CALB2: variants seen among roughly 807,000 people sequenced by gnomAD.
The protein encoded by CALB2 is calretinin.
In CALB2, 34 loss-of-function variants were observed where a neutral mutation model predicts 45.9. That is an observed-to-expected ratio of 0.74 (90% CI 0.56 to 0.99). CALB2 has a LOEUF of 0.99. Among genes scored for constraint, CALB2 ranks in the 50% least tolerant of loss-of-function variants. The pLI, the probability that CALB2 is intolerant of heterozygous loss-of-function variation, is 0.00. For synonymous variants in CALB2, 142 were observed against 129.6 expected, an observed-to-expected ratio of 1.10 and a Z score of -0.65; for missense variants, 344 against 339.3, an observed-to-expected ratio of 1.01 and a Z score of -0.11.
chr16:71,386,071 G>T (rs2042567498), intron 10 of CALB2, among the ~76,000 whole-genome samples: 1 of 152,094 alleles, frequency 6.6e-6, no homozygotes, highest in Middle Eastern at 3.2e-3. Context: ...GACTGCTCTA[G>T]GTACCTCATG....
chr16:71,387,729 G>A (rs996544345), intron 10 of CALB2, among the ~76,000 whole-genome samples: 1 of 152,176 alleles, frequency 6.6e-6, no homozygotes, highest in Non-Finnish European at 1.5e-5. Flanking sequence ...TGCGGAAGTT[G>A]TCCCAAGCTT....
intron 1 of CALB2, among the ~76,000 whole-genome samples, chr16:71,365,531 G>C (rs975556104): frequency 5.3e-5 from 8 of 152,242 alleles, no homozygotes; most frequent in Middle Eastern, 3.4e-3. Context: ...GAGCAAATGC[G>C]TCTCAGATTT....
chr16:71,384,049 A>G, intron 7 of CALB2, 24 bp downstream of exon 7: 1 of 1,610,818 alleles, frequency 6.2e-7, no homozygotes, highest in Non-Finnish European at 8.5e-7. Context: ...CCCCGGGGTC[A>G]CTGATACTGG....
chr16:71,376,860 C>G (rs999507675), intron 3 of CALB2, among the ~76,000 whole-genome samples: 4 of 152,196 alleles, frequency 2.6e-5, no homozygotes, highest in Admixed American at 2.0e-4. Flanking sequence ...TACATACATC[C>G]ATATACAACC....
chr16:71,359,026 G>A, intron 1 of CALB2, 140 bp downstream of exon 1: 3 of 706,892 alleles, frequency 4.2e-6, no homozygotes, highest in Non-Finnish European at 7.3e-6. Flanking sequence ...TGGGGTAGTG[G>A]TCCCGGGTTT....
At chr16:71,389,627 C>G in intron 10 of CALB2, 122 bp from the exon 11 acceptor site, 1 of 788,116 alleles carries the variant, frequency 1.3e-6, no homozygotes. Flanking sequence ...TCATCTAAGC[C>G]ACTTATCCTG....
chr16:71,362,563 A>G (rs1310909872), intron 1 of CALB2, among the ~76,000 whole-genome samples: 1 of 152,228 alleles, frequency 6.6e-6, no homozygotes, highest in Non-Finnish European at 1.5e-5. Context: ...GGGGACAGAA[A>G]AATAAATATG....
chr16:71,365,620 C>T (rs2042275713), intron 1 of CALB2, among the ~76,000 whole-genome samples: 2 of 152,100 alleles, frequency 1.3e-5, no homozygotes, highest in African/African-American at 4.8e-5. Context: ...TTCAGTAGGT[C>T]CAAGGTGGGC....
chr16:71,367,820 G>T (rs775802460), intron 1 of CALB2, among the ~76,000 whole-genome samples: 1 of 152,138 alleles, frequency 6.6e-6, no homozygotes, highest in Non-Finnish European at 1.5e-5. Flanking sequence ...TTCCTAGTGT[G>T]GGGAGGGGGG....
At chr16:71,388,501 T>C (rs1381331155) in intron 10 of CALB2, among the ~76,000 whole-genome samples, 2 of 152,146 alleles carry the variant, frequency 1.3e-5, no homozygotes, top group African/African-American at 2.4e-5. Context: ...AAGCAATCAT[T>C]GTAAAGCATG....
At chr16:71,373,408 T>C (rs373573727) in intron 2 of CALB2, among the ~76,000 whole-genome samples, 38 of 152,304 alleles carry the variant, frequency 2.5e-4, no homozygotes, top group African/African-American at 8.9e-4. Context: ...GTCCCATCAA[T>C]TCCTAGGATA....
intron 7 of CALB2, 132 bp from the exon 8 acceptor site, chr16:71,384,207 C>G: frequency 2.0e-6 from 2 of 991,670 alleles, no homozygotes; most frequent in Non-Finnish European, 3.2e-6. Flanking sequence ...TTTTGAACTT[C>G]CCACTGATTC....
chr16:71,384,905 C>A, intron 9 of CALB2, 69 bp downstream of exon 9: 3 of 1,345,900 alleles, frequency 2.2e-6, no homozygotes, highest in South Asian at 1.2e-5. Context: ...GGCTCAGCTT[C>A]ATCCCTGGGA....
intron 4 of CALB2, among the ~76,000 whole-genome samples, chr16:71,379,045 G>C (rs2042452663): frequency 6.6e-6 from 1 of 152,296 alleles, no homozygotes; most frequent in African/African-American, 2.4e-5. Context: ...GGGAGGCCAA[G>C]GCAGGTGGAT....
chr16:71,369,657 G>A (rs892863087), intron 1 of CALB2, among the ~76,000 whole-genome samples: 17 of 152,096 alleles, frequency 1.1e-4, no homozygotes, highest in East Asian at 1.9e-4. Context: ...ACCATGACAC[G>A]CACTCGTGGT....
chr16:71,358,736 G>A lies in CALB2; in HGVS notation c.-57G>A. 3 of 1,408,398 alleles carry A rather than the reference G, an allele frequency of 2.1e-6. No individual in the cohort carries two copies. Among genetic ancestry groups the A allele is most frequent in the Non-Finnish European group, 2.9e-6 (3 of 1,018,578 alleles). The allele number at this position is 1,408,398 out of a possible 1,614,324, so 87.2% of individuals were successfully genotyped here. On this transcript the variant is annotated 5_prime_UTR_variant, in exon 1 of 11. Coordinates refer to ENST00000302628, the MANE Select transcript of CALB2 (RefSeq NM_001740.5). ...GCGCACAACCCCAGCGCGAGTGCCA[G>A]AGCCCAGCCGGCGCGGAGCGGGAGC...
At chr16:71,377,343 A>ATCT (rs2042428408) in intron 3 of CALB2, among the ~76,000 whole-genome samples, 1 of 152,132 alleles carries the variant, frequency 6.6e-6, no homozygotes, top group Non-Finnish European at 1.5e-5. Flanking sequence ...TACTTAGATT[A>ATCT]GTTTGCATTT....
At chr16:71,381,360 C>T (rs1190887773) in intron 4 of CALB2, among the ~76,000 whole-genome samples, 1 of 150,064 alleles carries the variant, frequency 6.7e-6, no homozygotes, top group Non-Finnish European at 1.5e-5. Flanking sequence ...ACCTAAGTTG[C>T]ATATAGTACA....
intron 1 of CALB2, among the ~76,000 whole-genome samples, chr16:71,361,446 C>G (rs1002361512): frequency 1.3e-5 from 2 of 152,192 alleles, no homozygotes; most frequent in African/African-American, 4.8e-5. Flanking sequence ...TCTCTCCTAC[C>G]AATTCTGGTT....
Sources: gnomAD v4.1 joint callset for allele counts (sites outside exome capture counted in the v4.1 genomes callset) on GRCh38, gnomAD v4.1.1 for gene constraint, MANE v1.5 for transcripts, NCBI Gene and HGNC (gene_info 2026-07-23, HGNC 2026-07-21) for gene names.